The following KHDRBS3 variants were observed in gnomAD, a reference collection of about 807,000 sequenced individuals.
The protein encoded by KHDRBS3 is KH domain-containing, RNA-binding, signal transduction-associated protein 3.
A neutral mutation model predicts 45.6 loss-of-function variants in KHDRBS3; 23 were observed. The ratio of observed to expected loss-of-function variants is 0.50; its 90% confidence interval spans 0.36 to 0.72. The LOEUF (loss-of-function observed/expected upper bound fraction) is 0.72. Ranked by LOEUF, KHDRBS3 falls within the 30% of genes least tolerant of loss-of-function variation. The pLI, the probability that KHDRBS3 is intolerant of heterozygous loss-of-function variation, is 0.00. For synonymous variants in KHDRBS3, 162 were observed against 156.5 expected (o/e 1.04, Z -0.26); for missense variants, 352 against 424.8 (o/e 0.83, Z 1.51).
intron 1 of KHDRBS3, among the ~76,000 whole-genome samples, chr8:135,520,401 T>A (rs181327548): frequency 5.9e-5 from 9 of 152,324 alleles, no homozygotes; most frequent in Admixed American, 4.6e-4. Flanking sequence ...GATGAAATTT[T>A]ATGCTAAAAT....
At chr8:135,567,162 A>G (rs532507643) in intron 5 of KHDRBS3, among the ~76,000 whole-genome samples, 96 of 152,146 alleles carry the variant, frequency 6.3e-4, no homozygotes, top group African/African-American at 2.2e-3. Flanking sequence ...TGCTGTGCCA[A>G]AGAGCTTTTA....
intron 2 of KHDRBS3, among the ~76,000 whole-genome samples, chr8:135,521,848 A>G (rs1824925776): frequency 1.3e-5 from 2 of 152,074 alleles, no homozygotes; most frequent in South Asian, 4.1e-4. Context: ...TGAATATATC[A>G]TTGTTGTTTA....
chr8:135,576,356 A>C (rs117615001), intron 5 of KHDRBS3, among the ~76,000 whole-genome samples: 4 of 152,288 alleles, frequency 2.6e-5, no homozygotes, highest in Non-Finnish European at 5.9e-5. Context: ...TATCTACAAA[A>C]ATTATCTGGA....
At position 135,557,566 on chromosome 8, in the gene KHDRBS3, T is replaced by C. The variant is rs1466208339; in HGVS notation, c.590T>C (p.Val197Ala). Residue 197 changes from valine (V) to alanine (A), a missense_variant, in exon 5 of 9, where the codon GTA becomes GCA. Val to Ala is a moderately conservative substitution (Grantham distance 64). This residue lies in a region of KHDRBS3 where 212 missense variants were observed against 209.6 expected (regional missense o/e 1.01). Transcript: ENST00000355849. The stretch of plus-strand genomic sequence containing the variant: ...AAACCCACCTTGCGTACAAGAGGTG[T>C]ACCAGCCCCAGCAATAACCAGGTAG... ...RGKPTLRTRG[V>A]PAPAITRGRG... 1 of 1,612,968 alleles carries C rather than the reference T, an allele frequency of 6.2e-7. No individual in the cohort carries two copies. The highest frequency in any genetic ancestry group is 2.2e-5 in the East Asian group (1 of 44,876).
At chr8:135,636,842 G>A (rs1370773847) in intron 7 of KHDRBS3, among the ~76,000 whole-genome samples, 2 of 152,144 alleles carry the variant, frequency 1.3e-5, no homozygotes, top group East Asian at 1.9e-4. Context: ...ATGTAGCCTC[G>A]GAATTCTCAG....
At chr8:135,622,340 A>G (rs545643035) in intron 7 of KHDRBS3, among the ~76,000 whole-genome samples, 2 of 152,202 alleles carry the variant, frequency 1.3e-5, no homozygotes, top group African/African-American at 2.4e-5. Flanking sequence ...ATACAATACT[A>G]TAAGTGTCGT....
intron 1 of KHDRBS3, among the ~76,000 whole-genome samples, chr8:135,499,200 A>G (rs1310690106): frequency 1.3e-5 from 2 of 152,200 alleles, no homozygotes; most frequent in African/African-American, 4.8e-5. Context: ...CATACGGGAA[A>G]TATAATGACA....
At chr8:135,582,353 C>A (rs914834628) in intron 6 of KHDRBS3, among the ~76,000 whole-genome samples, 8 of 152,240 alleles carry the variant, frequency 5.3e-5, no homozygotes, top group African/African-American at 1.9e-4. Context: ...TATTTTCAAG[C>A]CCTTACAGGA....
At chr8:135,619,157 C>T (rs1830037086) in intron 7 of KHDRBS3, among the ~76,000 whole-genome samples, 1 of 152,160 alleles carries the variant, frequency 6.6e-6, no homozygotes. Flanking sequence ...TAGGCATATA[C>T]ATTAGAAAGT....
chr8:135,459,177 A>G (rs917016860), intron 1 of KHDRBS3, among the ~76,000 whole-genome samples: 1 of 152,206 alleles, frequency 6.6e-6, no homozygotes, highest in Non-Finnish European at 1.5e-5. Context: ...TTCTATTTGT[A>G]TATAGATACC....
chr8:135,538,336 C>A (rs1825876158), intron 2 of KHDRBS3, among the ~76,000 whole-genome samples: 1 of 152,102 alleles, frequency 6.6e-6, no homozygotes, highest in Non-Finnish European at 1.5e-5. Flanking sequence ...CCAGTGGAAA[C>A]AAACAGTTCA....
At chr8:135,459,152 G>A (rs1484582444) in intron 1 of KHDRBS3, among the ~76,000 whole-genome samples, 1 of 152,188 alleles carries the variant, frequency 6.6e-6, no homozygotes, top group East Asian at 1.9e-4. Flanking sequence ...GGAAGTGAAA[G>A]ATGAGGCAGA....
chr8:135,612,625 A>G (rs925768995), intron 7 of KHDRBS3, among the ~76,000 whole-genome samples: 1 of 151,898 alleles, frequency 6.6e-6, no homozygotes, highest in African/African-American at 2.4e-5. Flanking sequence ...TCAGAATTTG[A>G]AAGTACGTGC....
At chr8:135,625,560 CGA>C in intron 7 of KHDRBS3, 1 of 933,438 alleles carries the variant, frequency 1.1e-6, no homozygotes, top group Non-Finnish European at 1.8e-6. Context: ...GCTGGAGCAA[CGA>C]GAGAGGGAGC....
At chr8:135,503,127 T>G (rs1326433960) in intron 1 of KHDRBS3, among the ~76,000 whole-genome samples, 1 of 152,232 alleles carries the variant, frequency 6.6e-6, no homozygotes, top group African/African-American at 2.4e-5. Context: ...ATCTGTGGTA[T>G]GACTGTGTGA....
At chr8:135,519,341 A>G (rs1257671442) in intron 1 of KHDRBS3, among the ~76,000 whole-genome samples, 4 of 152,052 alleles carry the variant, frequency 2.6e-5, no homozygotes, top group Non-Finnish European at 4.4e-5. Context: ...TCCCCTCCCC[A>G]CAGATCAAGG....
At chr8:135,523,912 A>G (rs978410551) in intron 2 of KHDRBS3, among the ~76,000 whole-genome samples, 3 of 152,222 alleles carry the variant, frequency 2.0e-5, no homozygotes, top group African/African-American at 7.2e-5. Context: ...TTTTAAAACT[A>G]AAACCTTTGT....
At chr8:135,529,737 A>G (rs948993618) in intron 2 of KHDRBS3, among the ~76,000 whole-genome samples, 4 of 152,186 alleles carry the variant, frequency 2.6e-5, no homozygotes, top group Admixed American at 2.6e-4. Flanking sequence ...TATTACATGT[A>G]TGTTTGTCAC....
intron 7 of KHDRBS3, among the ~76,000 whole-genome samples, chr8:135,636,602 G>A (rs954951812): frequency 6.6e-6 from 1 of 152,206 alleles, no homozygotes; most frequent in Non-Finnish European, 1.5e-5. Context: ...AACACTGTGG[G>A]AGAGGTGGGC....
Sources: gnomAD v4.1 joint callset for allele counts (sites outside exome capture counted in the v4.1 genomes callset) on GRCh38, gnomAD v4.1.1 for gene constraint, gnomAD v4.1.1 regional missense constraint, MANE v1.5 for transcripts, NCBI Gene and HGNC (gene_info 2026-07-23, HGNC 2026-07-21) for gene names.